IPO7: variants seen among roughly 807,000 people sequenced by gnomAD.
IPO7 encodes the protein importin-7.
Under a neutral mutation model 136.4 loss-of-function variants are expected in IPO7, and 13 were observed. The ratio of observed to expected loss-of-function variants is 0.10; its 90% CI spans 0.06 to 0.15. The LOEUF (loss-of-function observed/expected upper bound fraction) is 0.15. Among genes scored for constraint, IPO7 ranks in the 10% least tolerant of loss-of-function variants. The pLI, the probability that IPO7 is intolerant of heterozygous loss-of-function variation, is 1.00. For synonymous variants in IPO7, 403 were observed against 404.4 expected (o/e 1.00, Z 0.04); for missense variants, 857 against 1,240.6 (o/e 0.69, Z 4.65).
At chr11:9,407,555 T>G (rs1440586317) in intron 2 of IPO7, among the ~76,000 whole-genome samples, 1 of 152,064 alleles carries the variant, frequency 6.6e-6, no homozygotes, top group African/African-American at 2.4e-5. Context: ...CTCCATCTCA[T>G]AAAAATACCT....
At chr11:9,423,914 A>T (rs1434450508) in intron 10 of IPO7, 38 bp downstream of exon 10, 1 of 1,234,840 alleles carries the variant, frequency 8.1e-7, no homozygotes, top group Non-Finnish European at 1.2e-6. Context: ...AAAAAATGTC[A>T]GTAATTAAGA....
chr11:9,386,048 A>G (rs1231435247), intron 1 of IPO7, among the ~76,000 whole-genome samples: 1 of 152,228 alleles, frequency 6.6e-6, no homozygotes, highest in Non-Finnish European at 1.5e-5. Flanking sequence ...TAATTTAAAA[A>G]CATTGTTTAT....
At chr11:9,391,909 G>A (rs1254912696) in intron 1 of IPO7, among the ~76,000 whole-genome samples, 1 of 152,072 alleles carries the variant, frequency 6.6e-6, no homozygotes, top group Non-Finnish European at 1.5e-5. Flanking sequence ...TGGGACTACA[G>A]GCGTGCACCA....
At chr11:9,433,981 TG>T (rs1215072562) in intron 18 of IPO7, 135 bp downstream of exon 18, 1 of 829,832 alleles carries the variant, frequency 1.2e-6, no homozygotes, top group Admixed American at 2.7e-5. Flanking sequence ...TGGAGTGCAA[TG>T]GTGCGATCTC....
At chr11:9,443,591 CAAA>C (rs55819044) in intron 24 of IPO7, among the ~76,000 whole-genome samples, 3 of 69,454 alleles carry the variant, frequency 4.3e-5, no homozygotes, top group African/African-American at 5.2e-5. Context: ...AACTCCGTCT[CAAA>C]AAAAAAAAAA....
In IPO7 at chr11:9,425,187, A is replaced by T. The variant is rs879155874; in HGVS notation, c.1260A>T (p.Thr420=). 2 of 1,612,018 alleles carry T rather than the reference A, an allele frequency of 1.2e-6. No homozygotes were observed. The highest frequency in any genetic ancestry group is 1.7e-5 in the Admixed American group (1 of 60,012). Residue 420 remains threonine, a synonymous_variant, in exon 12 of 25, where the codon ACA becomes ACT. Coordinates refer to ENST00000379719, the MANE Select transcript of IPO7 (RefSeq NM_006391.3). The part of the protein sequence containing the change: ...KTMGFCYQIL[T]EPNADPRKKD... ...TGGGATTTTGTTACCAGATTCTTAC[A>T]GAACCAAATGCTGACCCTCGAAAAA... is the stretch of plus-strand genomic sequence containing the variant.
chr11:9,434,270 T>A (rs1232442868), intron 18 of IPO7, among the ~76,000 whole-genome samples: 1 of 152,152 alleles, frequency 6.6e-6, no homozygotes, highest in East Asian at 1.9e-4. Context: ...TTCGGAACAA[T>A]TATCAGTAGA....
intron 16 of IPO7, among the ~76,000 whole-genome samples, chr11:9,431,515 C>T (rs1855294020): frequency 6.6e-6 from 1 of 150,660 alleles, no homozygotes; most frequent in Non-Finnish European, 1.5e-5. Flanking sequence ...AGCTGGATTG[C>T]AATGGTCACT....
chr11:9,405,533 C>T (rs1198368201), intron 2 of IPO7, among the ~76,000 whole-genome samples: 1 of 152,144 alleles, frequency 6.6e-6, no homozygotes, highest in African/African-American at 2.4e-5. Context: ...AGCCATCCTC[C>T]CACCTCAGCC....
At chr11:9,437,696 A>G in intron 20 of IPO7, 58 bp from the exon 21 acceptor site, 7 of 1,248,166 alleles carry the variant, frequency 5.6e-6, no homozygotes, top group Non-Finnish European at 8.0e-6. Flanking sequence ...TAATATTTTT[A>G]GAATGTTTGC....
At chr11:9,401,304 T>G (rs937913818) in intron 1 of IPO7, among the ~76,000 whole-genome samples, 2 of 151,978 alleles carry the variant, frequency 1.3e-5, no homozygotes, top group Non-Finnish European at 2.9e-5. Context: ...CAAAGGAGAA[T>G]GAAACAGAAA....
intron 12 of IPO7, among the ~76,000 whole-genome samples, chr11:9,426,179 T>C (rs1468584464): frequency 1.3e-5 from 2 of 152,226 alleles, no homozygotes; most frequent in East Asian, 1.9e-4. Context: ...ACTCCACATA[T>C]CACCCCAAAT....
chr11:9,412,744 A>G (rs1466797126), intron 4 of IPO7, among the ~76,000 whole-genome samples: 1 of 152,016 alleles, frequency 6.6e-6, no homozygotes, highest in East Asian at 1.9e-4. Context: ...AGGTGTGAGG[A>G]TAGCTTGAGC....
At chr11:9,412,117 T>A (rs1436454860) in intron 4 of IPO7, among the ~76,000 whole-genome samples, 1 of 152,236 alleles carries the variant, frequency 6.6e-6, no homozygotes, top group South Asian at 2.1e-4. Flanking sequence ...TTAAAATGTA[T>A]GCTAGGTATA....
rs1048449724 is a variant in IPO7 at position 9,391,918 on chromosome 11, C to T, written c.84+7071C>T. Among the ~76,000 whole-genome samples, 3 of 151,934 alleles carry T rather than the reference C, an allele frequency of 2.0e-5. No individual in the cohort carries two copies. The East Asian group carries it at 5.8e-4, about 29-fold the overall frequency. ...ACTAGCTGGGACTACAGGCGTGCACCACCACACCTGCCTAAGTTTTTTATT... is the reference window on the plus strand; with the variant it reads ...ACTAGCTGGGACTACAGGCGTGCACTACCACACCTGCCTAAGTTTTTTATT... On this transcript the variant is annotated intron_variant, in intron 1 of 24. Transcript: ENST00000379719.
intron 8 of IPO7, 132 bp downstream of exon 8, chr11:9,420,830 G>T: frequency 1.6e-6 from 1 of 624,448 alleles, no homozygotes; most frequent in Non-Finnish European, 2.8e-6. Flanking sequence ...AAACATTTTT[G>T]GTCTCAGGAT....
chr11:9,440,142 A>C (rs564000045), intron 22 of IPO7, among the ~76,000 whole-genome samples: 134 of 152,350 alleles, frequency 8.8e-4, no homozygotes, highest in African/African-American at 3.1e-3. Flanking sequence ...TTTATCATTT[A>C]CTAACTTAGC....
At chr11:9,393,629 C>T (rs1191409681) in intron 1 of IPO7, among the ~76,000 whole-genome samples, 5 of 152,140 alleles carry the variant, frequency 3.3e-5, no homozygotes, top group Admixed American at 6.6e-5. Context: ...GTGATCCACC[C>T]TCCTCGGCCT....
chr11:9,415,950 T>C (rs970570142), intron 5 of IPO7, among the ~76,000 whole-genome samples: 1 of 152,246 alleles, frequency 6.6e-6, no homozygotes, highest in African/African-American at 2.4e-5. Flanking sequence ...TTCTTTTTGT[T>C]GTATCATGTA....
Sources: gnomAD v4.1 joint callset for allele counts (sites outside exome capture counted in the v4.1 genomes callset) on GRCh38, gnomAD v4.1.1 for gene constraint, MANE v1.5 for transcripts, NCBI Gene and HGNC (gene_info 2026-07-23, HGNC 2026-07-21) for gene names.